MRPS21: variants seen among roughly 807,000 people sequenced by gnomAD.
MRPS21 encodes mitochondrial ribosomal protein S21, also known as small ribosomal subunit protein bS21m.
MRPS21 carries 8 observed loss-of-function variants against 9.9 expected under a neutral mutation model. The ratio of observed to expected loss-of-function variants is 0.81; its 90% CI spans 0.47 to 1.45. The LOEUF is 1.45. Among genes scored for constraint, MRPS21 ranks in the 40% most tolerant of loss-of-function variants. MRPS21 has a pLI of 0.00. For missense variants in MRPS21, 101 were observed against 118.9 expected (o/e 0.85, Z 0.70); for synonymous variants, 40 against 40.3 (o/e 0.99, Z 0.03).
intron 2 of MRPS21, among the ~76,000 whole-genome samples, chr1:150,299,227 CAA>C (rs1654021439): frequency 6.6e-6 from 1 of 152,072 alleles, no homozygotes. Flanking sequence ...ATCTGAGAAA[CAA>C]AATATTTCTA....
intron 2 of MRPS21, chr1:150,301,431 G>C: frequency 5.1e-6 from 1 of 196,484 alleles, no homozygotes; most frequent in Non-Finnish European, 1.1e-5. Context: ...CCAGGAGGCG[G>C]AGGTTCCAGT....
chr1:150,301,314 G>A (rs1553857655), intron 2 of MRPS21: 7 of 290,086 alleles, frequency 2.4e-5, no homozygotes, highest in South Asian at 1.6e-4. Context: ...CAACCTGGGG[G>A]ACGAGAGCGA....
intron 2 of MRPS21, among the ~76,000 whole-genome samples, chr1:150,297,341 T>C (rs1653951898): frequency 6.7e-6 from 1 of 149,870 alleles, no homozygotes; most frequent in Admixed American, 6.7e-5. Context: ...TGAGAAGCAG[T>C]TGCAGGCTCA....
At chr1:150,307,372 C>CTTTTTTTTTTTTTTTTTTTTTTTT (rs1159033815) in intron 2 of MRPS21, among the ~76,000 whole-genome samples, 1 of 110,996 alleles carries the variant, frequency 9.0e-6, no homozygotes, top group Non-Finnish European at 1.7e-5. Context: ...TTTTTTTTTC[C>CTTTTTTTTTTTTTTTTTTTTTTTT]TTTGAGTCAA....
chr1:150,301,546 TA>T (rs1654131595), intron 2 of MRPS21, among the ~76,000 whole-genome samples: 1 of 152,004 alleles, frequency 6.6e-6, no homozygotes, highest in South Asian at 2.1e-4. Context: ...CAGAGTCCCA[TA>T]AATTGTATTA....
In MRPS21 at chr1:150,308,422, A is replaced by T. The variant is rs1654432802; in HGVS notation, c.*194A>T. 1 of 520,764 alleles carries T rather than the reference A, an allele frequency of 1.9e-6. No individual in the cohort carries two copies. The highest frequency in any genetic ancestry group is 1.9e-5 in the African/African-American group (1 of 53,234). 32.3% of individuals were successfully genotyped at this position (520,764 alleles called of 1,614,324 possible). On this transcript the variant is annotated 3_prime_UTR_variant, in exon 3 of 3. Transcript: ENST00000614145. The stretch of plus-strand genomic sequence containing the variant: ...TGTCTTTTATTAAGTGAAAGAAGAA[A>T]CTGAGTCTGAAAGTACTCTAGGAGT...
intron 2 of MRPS21, 119 bp from the exon 3 acceptor site, chr1:150,307,929 C>A: frequency 2.0e-6 from 2 of 1,008,744 alleles, no homozygotes; most frequent in Non-Finnish European, 2.8e-6. Context: ...CTATTGCCAC[C>A]ATTTCCCACT....
At position 150,294,431 on chromosome 1, in the gene MRPS21, C is replaced by T. The variant is rs782388570; in HGVS notation, c.65C>T (p.Ala22Val). The part of the protein sequence containing the change: ...VMVQEGNVES[A>V]YRTLNRILTM... The stretch of plus-strand genomic sequence containing the variant: ...GTACAGGAAGGGAACGTGGAAAGCG[C>T]ATACAGGACCCTAAACAGGTAACTG... The change falls in exon 2 of 3, where the codon GCA (alanine) becomes GTA (valine). Residue 22 changes from alanine (A) to valine (V), a missense_variant. Coordinates refer to ENST00000614145, the MANE Select transcript of MRPS21 (RefSeq NM_031901.6). The T allele has an allele frequency of 1.2e-6, 2 of 1,613,412 alleles. No individual in the cohort carries two copies. Among genetic ancestry groups the T allele is most frequent in the South Asian group, 1.1e-5 (1 of 91,078 alleles).
At chr1:150,307,256 C>CA (rs1326664735) in intron 2 of MRPS21, among the ~76,000 whole-genome samples, 1 of 151,590 alleles carries the variant, frequency 6.6e-6, no homozygotes, top group East Asian at 1.9e-4. Flanking sequence ...CCATATTGGT[C>CA]AGGCTGGTCT....
chr1:150,303,774 G>A (rs2101909711), intron 2 of MRPS21: 1 of 380,912 alleles, frequency 2.6e-6, no homozygotes, highest in East Asian at 7.7e-5. Context: ...CGTAGTAAAG[G>A]TAATACTATT....
chr1:150,303,295 A>G (rs1184618978), intron 2 of MRPS21, among the ~76,000 whole-genome samples: 1 of 152,100 alleles, frequency 6.6e-6, no homozygotes, highest in African/African-American at 2.4e-5. Flanking sequence ...TATATATCCA[A>G]TCTTTTTCTT....
intron 1 of MRPS21, 124 bp from the exon 2 acceptor site, chr1:150,294,211 T>A: frequency 1.6e-6 from 1 of 624,746 alleles, no homozygotes. Flanking sequence ...GACTTCCATG[T>A]GCTCCATCTC....
chr1:150,299,224 A>G (rs587767062), intron 2 of MRPS21, among the ~76,000 whole-genome samples: 2 of 152,264 alleles, frequency 1.3e-5, no homozygotes, highest in Non-Finnish European at 2.9e-5. Context: ...AGAATCTGAG[A>G]AACAAAATAT....
chr1:150,302,680 G>C (rs1243478568), intron 2 of MRPS21, among the ~76,000 whole-genome samples: 3 of 152,164 alleles, frequency 2.0e-5, no homozygotes, highest in Non-Finnish European at 4.4e-5. Flanking sequence ...TAAAGCTCTT[G>C]ATGTACTAGT....
At chr1:150,298,913 C>T (rs1240286156) in intron 2 of MRPS21, among the ~76,000 whole-genome samples, 3 of 152,052 alleles carry the variant, frequency 2.0e-5, no homozygotes, top group African/African-American at 7.2e-5. Context: ...CCACTTCTTA[C>T]AGTTGTATCA....
At chr1:150,302,677 C>G (rs1279673491) in intron 2 of MRPS21, among the ~76,000 whole-genome samples, 1 of 152,160 alleles carries the variant, frequency 6.6e-6, no homozygotes, top group African/African-American at 2.4e-5. Flanking sequence ...CTCTAAAGCT[C>G]TTGATGTACT....
At position 150,308,248 on chromosome 1, in the gene MRPS21, C is replaced by G; in HGVS notation, c.*20C>G. ...TGCTGAGGCCTGTGGGTGGGACACC[C>G]AGTGCGAAACCCTCATCCAGTTTTC... On this transcript the variant is annotated 3_prime_UTR_variant, in exon 3 of 3. Transcript: ENST00000614145. The G allele has an allele frequency of 3.8e-6, 6 of 1,577,220 alleles. No individual in the cohort carries two copies. Among genetic ancestry groups the G allele is most frequent in the Non-Finnish European group, 4.3e-6 (5 of 1,150,622 alleles).
At chr1:150,297,160 A>C (rs1383291919) in intron 2 of MRPS21, among the ~76,000 whole-genome samples, 2 of 152,074 alleles carry the variant, frequency 1.3e-5, no homozygotes, top group African/African-American at 2.4e-5. Context: ...GCGTGGTGGC[A>C]CACACCTGTA....
intron 2 of MRPS21, among the ~76,000 whole-genome samples, chr1:150,301,549 A>G (rs12745672): frequency 0.077 from 11,744 of 152,270 alleles, 571 homozygotes; most frequent in Non-Finnish European, 0.093. Flanking sequence ...AGTCCCATAA[A>G]TTGTATTATA....
Sources: gnomAD v4.1 joint callset for allele counts (sites outside exome capture counted in the v4.1 genomes callset) on GRCh38, gnomAD v4.1.1 for gene constraint, MANE v1.5 for transcripts, NCBI Gene and HGNC (gene_info 2026-07-23, HGNC 2026-07-21) for gene names.